ATXN1: variants seen among roughly 807,000 people sequenced by gnomAD.
ATXN1 encodes the protein ataxin 1.
In ATXN1, 8 loss-of-function variants were observed where a neutral mutation model predicts 56.4. The ratio of observed to expected loss-of-function variants is 0.14; its 90% confidence interval spans 0.08 to 0.26. The LOEUF (loss-of-function observed/expected upper bound fraction) is 0.26, where lower values mean the gene tolerates loss of function less well. Ranked by LOEUF, ATXN1 falls within the 10% of genes least tolerant of loss-of-function variation. ATXN1 has a pLI of 1.00. For missense variants in ATXN1, 987 were observed against 1,106.5 expected, an observed-to-expected ratio of 0.89 and a Z score of 1.53; for synonymous variants, 514 against 494.6, an observed-to-expected ratio of 1.04 and a Z score of -0.52.
chr6:16,694,219 C>T (rs1298794208), intron 2 of ATXN1, among the ~76,000 whole-genome samples: 1 of 148,436 alleles, frequency 6.7e-6, no homozygotes, highest in Non-Finnish European at 1.5e-5. Flanking sequence ...ATTTAGTTTA[C>T]TGGGTAAGTT....
intron 3 of ATXN1, among the ~76,000 whole-genome samples, chr6:16,599,508 C>T (rs781147912): frequency 6.6e-5 from 10 of 151,730 alleles, no homozygotes; most frequent in African/African-American, 9.7e-5. Context: ...GTCAGAAGAT[C>T]GAAACCATCC....
At chr6:16,643,215 T>G (rs1763738546) in intron 3 of ATXN1, among the ~76,000 whole-genome samples, 1 of 148,976 alleles carries the variant, frequency 6.7e-6, no homozygotes, top group African/African-American at 2.5e-5. Context: ...ATCGTGCCAC[T>G]GCACTCCAGC....
At chr6:16,571,865 G>T (rs996026491) in intron 4 of ATXN1, among the ~76,000 whole-genome samples, 2 of 152,096 alleles carry the variant, frequency 1.3e-5, no homozygotes, top group Non-Finnish European at 2.9e-5. Context: ...GTCTCACTAC[G>T]CTGTCCAGGC....
At chr6:16,652,226 C>G (rs1039649374) in intron 3 of ATXN1, 6 of 152,244 alleles carry the variant, frequency 3.9e-5, no homozygotes, top group African/African-American at 1.4e-4. Flanking sequence ...CTACACTCCT[C>G]TAAGCTGGAA....
intron 3 of ATXN1, among the ~76,000 whole-genome samples, chr6:16,646,981 T>A (rs562106833): frequency 3.2e-4 from 49 of 152,114 alleles, no homozygotes; most frequent in Non-Finnish European, 5.7e-4. Context: ...CAAGACTCAT[T>A]TAGGTTTTTT....
At chr6:16,379,767 T>C (rs1324822676) in intron 6 of ATXN1, among the ~76,000 whole-genome samples, 1 of 152,158 alleles carries the variant, frequency 6.6e-6, no homozygotes, top group Non-Finnish European at 1.5e-5. Flanking sequence ...AGCAAGACGC[T>C]GGAAGGAGAA....
intron 4 of ATXN1, among the ~76,000 whole-genome samples, chr6:16,563,511 G>C (rs1475193857): frequency 6.6e-6 from 1 of 152,118 alleles, no homozygotes; most frequent in African/African-American, 2.4e-5. Flanking sequence ...GACCAAGAGT[G>C]GGGGATGAGT....
chr6:16,355,560 C>CT lies in ATXN1; in HGVS notation c.-160-27091dup, dbSNP rs11285936. On this transcript the variant is annotated intron_variant, in intron 6 of 7. Transcript: ENST00000436367. Reference sequence around the variant, plus strand: ...CTTCCTGCAGGAATACTCACCCACCCTTTTTTTTTTTTCTTTTTTGAGACG... The same window carrying CT: ...CTTCCTGCAGGAATACTCACCCACCCTTTTTTTTTTTTTCTTTTTTGAGACG... 4.3e-3 allele frequency among the ~76,000 whole-genome samples: 637 copies of CT among 146,848 alleles called. 12 individuals are homozygous for CT. The highest frequency in any genetic ancestry group is 0.014 in the African/African-American group (571 of 40,120).
At chr6:16,727,871 G>C (rs553786524) in intron 2 of ATXN1, among the ~76,000 whole-genome samples, 1 of 152,334 alleles carries the variant, frequency 6.6e-6, no homozygotes, top group African/African-American at 2.4e-5. Context: ...ACCAAGCCGA[G>C]ATGCCAGTGG....
chr6:16,396,812 A>G (rs960371667), intron 6 of ATXN1, among the ~76,000 whole-genome samples: 3 of 152,132 alleles, frequency 2.0e-5, no homozygotes, highest in Non-Finnish European at 4.4e-5. Context: ...TTTTTACTGT[A>G]CCTATTCTAT....
chr6:16,552,734 G>A (rs1761944213), intron 4 of ATXN1, among the ~76,000 whole-genome samples: 2 of 152,204 alleles, frequency 1.3e-5, no homozygotes, highest in Admixed American at 1.3e-4. Flanking sequence ...TGGCGGAGCT[G>A]GCCAGAACAT....
chr6:16,696,636 A>C (rs1195993021), intron 2 of ATXN1, among the ~76,000 whole-genome samples: 1 of 152,202 alleles, frequency 6.6e-6, no homozygotes, highest in African/African-American at 2.4e-5. Context: ...AGAAATATGG[A>C]AGTAAGAACA....
chr6:16,699,283 C>T (rs1321775887), intron 2 of ATXN1, among the ~76,000 whole-genome samples: 1 of 152,224 alleles, frequency 6.6e-6, no homozygotes, highest in East Asian at 1.9e-4. Flanking sequence ...AAATCTCAAG[C>T]TCGTCATAGA....
At chr6:16,574,773 A>T (rs7772066) in intron 4 of ATXN1, among the ~76,000 whole-genome samples, 10,518 of 151,802 alleles carry the variant, frequency 0.069, 1,153 homozygotes, top group African/African-American at 0.24. Context: ...CGACTACTCA[A>T]CAAACCGTAG....
intron 3 of ATXN1, among the ~76,000 whole-genome samples, chr6:16,625,419 G>C (rs1260717707): frequency 6.6e-6 from 1 of 152,318 alleles, no homozygotes. Context: ...TAGGGATTTA[G>C]GGATGGCATT....
In ATXN1 at chr6:16,691,853, G is replaced by A. The variant is rs1759053699; in HGVS notation, c.-614-33952C>T. On this transcript the variant is annotated intron_variant, in intron 2 of 7. Coordinates refer to ENST00000436367, the MANE Select transcript of ATXN1 (RefSeq NM_001128164.2). ...TAGTATTAGGGAGTGGAGCCCTTGG[G>A]AGGTGCCCTCTTGAATGGAATTAGC... is the stretch of plus-strand genomic sequence containing the variant. Among the ~76,000 whole-genome samples, 5 of 152,238 alleles carry A rather than the reference G, an allele frequency of 3.3e-5. No individual in the cohort carries two copies. In the South Asian group the frequency reaches 1.0e-3, roughly 31 times the overall value.
chr6:16,444,069 T>C (rs942659394), intron 6 of ATXN1, among the ~76,000 whole-genome samples: 9 of 150,888 alleles, frequency 6.0e-5, no homozygotes, highest in Non-Finnish European at 1.3e-4. Context: ...TGAGCCGAGA[T>C]TGCGCCACTG....
At chr6:16,629,238 G>A (rs1427479049) in intron 3 of ATXN1, among the ~76,000 whole-genome samples, 1 of 152,182 alleles carries the variant, frequency 6.6e-6, no homozygotes, top group African/African-American at 2.4e-5. Context: ...ATATTGAGCT[G>A]CTTTTCATAT....
intron 5 of ATXN1, among the ~76,000 whole-genome samples, chr6:16,487,508 T>A (rs934336068): frequency 6.6e-6 from 1 of 152,212 alleles, no homozygotes; most frequent in African/African-American, 2.4e-5. Context: ...GCTACTCACA[T>A]AATTAACCAT....
Sources: gnomAD v4.1 joint callset for allele counts (sites outside exome capture counted in the v4.1 genomes callset) on GRCh38, gnomAD v4.1.1 for gene constraint, MANE v1.5 for transcripts, NCBI Gene and HGNC (gene_info 2026-07-23, HGNC 2026-07-21) for gene names.